The following CLIC4 variants were observed in gnomAD, a reference collection of about 807,000 sequenced individuals.
CLIC4 encodes CLIC family member 4, also known as chloride intracellular channel protein 4.
A neutral mutation model predicts 24.6 loss-of-function variants in CLIC4; 13 were observed. That is an observed-to-expected ratio of 0.53 (90% CI 0.34 to 0.84). The LOEUF (loss-of-function observed/expected upper bound fraction) is 0.84, where lower values mean the gene tolerates loss of function less well. Ranked by LOEUF, CLIC4 falls within the 40% of genes least tolerant of loss-of-function variation. The pLI is 0.01. For synonymous variants in CLIC4, 104 were observed against 111.3 expected (o/e 0.93, Z 0.41); for missense variants, 227 against 301.7 (o/e 0.75, Z 1.83).
intron 1 of CLIC4, among the ~76,000 whole-genome samples, chr1:24,777,111 C>T (rs936610611): frequency 2.0e-5 from 3 of 152,102 alleles, no homozygotes; most frequent in Admixed American, 1.3e-4. Context: ...TGGGTGCATG[C>T]GTGCATGTGT....
intron 1 of CLIC4, among the ~76,000 whole-genome samples, chr1:24,748,900 G>A (rs968252947): frequency 5.9e-5 from 9 of 151,608 alleles, no homozygotes; most frequent in East Asian, 3.9e-4. Context: ...ATGCAAATGG[G>A]GGAAATACCC....
Position 24,840,015 on chromosome 1 carries a change from C to A in CLIC4, c.571C>A (p.Leu191Met). Reference sequence around the variant, plus strand: ...TGAAATGACATTAGCTGATTGCAACCTGCTGCCCAAACTGCATATTGTCAA... The same window carrying A: ...TGAAATGACATTAGCTGATTGCAACATGCTGCCCAAACTGCATATTGTCAA... ...GNEMTLADCN[L>M]LPKLHIVKVV... is the part of the protein sequence containing the mutation. Residue 191 changes from leucine to methionine, a missense_variant, in exon 5 of 6, where the codon CTG (leucine) becomes ATG (methionine). Transcript: ENST00000374379. 1 of 1,614,068 alleles carries A rather than the reference C, an allele frequency of 6.2e-7. No homozygotes were observed. The highest frequency in any genetic ancestry group is 1.1e-5 in the South Asian group (1 of 91,064).
intron 1 of CLIC4, among the ~76,000 whole-genome samples, chr1:24,779,367 A>G (rs1444332963): frequency 6.6e-6 from 1 of 152,048 alleles, no homozygotes; most frequent in African/African-American, 2.4e-5. Flanking sequence ...CTACTTGGGA[A>G]GCTGAGGTGG....
At chr1:24,820,069 A>ATG (rs1557812303) in intron 3 of CLIC4, among the ~76,000 whole-genome samples, 3 of 35,978 alleles carry the variant, frequency 8.3e-5, no homozygotes, top group African/African-American at 2.9e-4. Context: ...AAAAGTATGT[A>ATG]TATATATATG....
intron 2 of CLIC4, among the ~76,000 whole-genome samples, chr1:24,799,574 C>T (rs1242744386): frequency 2.0e-5 from 3 of 150,054 alleles, no homozygotes; most frequent in Admixed American, 2.0e-4. Context: ...TCCGCCCGGC[C>T]AGCCGCCCCG....
intron 1 of CLIC4, among the ~76,000 whole-genome samples, chr1:24,778,203 C>G (rs1416815950): frequency 1.3e-5 from 2 of 152,062 alleles, no homozygotes; most frequent in Non-Finnish European, 2.9e-5. Flanking sequence ...ATAGTATGGA[C>G]CTTGGAGTTT....
chr1:24,822,711 G>T (rs182383309), intron 3 of CLIC4, among the ~76,000 whole-genome samples: 2 of 152,270 alleles, frequency 1.3e-5, no homozygotes, highest in Admixed American at 1.3e-4. Flanking sequence ...TTATTTGTAT[G>T]CATTGAAACA....
intron 1 of CLIC4, among the ~76,000 whole-genome samples, chr1:24,776,115 G>A (rs1639138178): frequency 6.6e-6 from 1 of 152,038 alleles, no homozygotes; most frequent in African/African-American, 2.4e-5. Context: ...TGTGTTTCAC[G>A]GATCAGCGAG....
At chr1:24,760,519 T>C (rs1638914376) in intron 1 of CLIC4, among the ~76,000 whole-genome samples, 1 of 152,148 alleles carries the variant, frequency 6.6e-6, no homozygotes, top group South Asian at 2.1e-4. Flanking sequence ...TCATATTGTA[T>C]CTAGATTGGT....
At chr1:24,781,949 C>T (rs955717100) in intron 1 of CLIC4, among the ~76,000 whole-genome samples, 3 of 152,158 alleles carry the variant, frequency 2.0e-5, no homozygotes, top group Non-Finnish European at 2.9e-5. Flanking sequence ...TGCGCCGGGC[C>T]TTGTAGGACC....
At chr1:24,782,429 G>A (rs549863419) in intron 1 of CLIC4, among the ~76,000 whole-genome samples, 8 of 152,132 alleles carry the variant, frequency 5.3e-5, no homozygotes, top group South Asian at 4.2e-4. Flanking sequence ...GTAATGCAAA[G>A]GCAGAAACCA....
At chr1:24,805,327 G>C (rs1266887905) in intron 2 of CLIC4, among the ~76,000 whole-genome samples, 1 of 152,176 alleles carries the variant, frequency 6.6e-6, no homozygotes, top group East Asian at 1.9e-4. Flanking sequence ...GTTTTGTTGA[G>C]TCCATGATTA....
intron 1 of CLIC4, among the ~76,000 whole-genome samples, chr1:24,756,918 G>A (rs1429626710): frequency 1.4e-5 from 2 of 146,344 alleles, no homozygotes; most frequent in Non-Finnish European, 3.0e-5. Flanking sequence ...TTTTTGAGAC[G>A]GAGTTTCGCT....
At chr1:24,778,097 T>TG (rs950832009) in intron 1 of CLIC4, 1 of 152,212 alleles carries the variant, frequency 6.6e-6, no homozygotes, top group African/African-American at 2.4e-5. Context: ...ATGAGTGAGA[T>TG]GGTGGTGGTT....
At chr1:24,819,345 A>G (rs2124158356) in intron 3 of CLIC4, among the ~76,000 whole-genome samples, 1 of 152,340 alleles carries the variant, frequency 6.6e-6, no homozygotes, top group Admixed American at 6.5e-5. Flanking sequence ...GAATGCCAAT[A>G]AATCAAAGCT....
chr1:24,827,328 T>C (rs918466342), intron 4 of CLIC4, among the ~76,000 whole-genome samples: 4 of 152,192 alleles, frequency 2.6e-5, no homozygotes, highest in Non-Finnish European at 5.9e-5. Flanking sequence ...AGTAGCACAG[T>C]ATATAGTAAG....
chr1:24,761,342 C>T (rs948282499), intron 1 of CLIC4, among the ~76,000 whole-genome samples: 4 of 152,036 alleles, frequency 2.6e-5, no homozygotes, highest in Admixed American at 2.0e-4. Context: ...AACAGGGCAA[C>T]TTGAGAAAGA....
In CLIC4 at chr1:24,806,519, T is replaced by A. The variant is rs542025957; in HGVS notation, c.183-7575T>A. On this transcript the variant is annotated intron_variant, in intron 2 of 5. Transcript: ENST00000374379. Reference sequence around the variant, plus strand: ...TTATCGCTTTATTTATTTAAAAAAATATATATATAGCCTTTCAACCAAAAC... The same window carrying A: ...TTATCGCTTTATTTATTTAAAAAAAAATATATATAGCCTTTCAACCAAAAC... 6.0e-4 allele frequency among the ~76,000 whole-genome samples: 91 copies of A among 152,270 alleles called. 1 individual carries two copies. Among genetic ancestry groups the A allele is most frequent in the East Asian group, 7.7e-4 (4 of 5,190 alleles).
chr1:24,751,824 A>G (rs865952752), intron 1 of CLIC4, among the ~76,000 whole-genome samples: 7 of 152,202 alleles, frequency 4.6e-5, no homozygotes, highest in Non-Finnish European at 5.9e-5. Context: ...AGATTGTGCC[A>G]TTGCACTCCA....
Sources: gnomAD v4.1 joint callset for allele counts (sites outside exome capture counted in the v4.1 genomes callset) on GRCh38, gnomAD v4.1.1 for gene constraint, MANE v1.5 for transcripts, NCBI Gene and HGNC (gene_info 2026-07-23, HGNC 2026-07-21) for gene names.